Variants in CLEC16A observed in about 807,000 individuals in gnomAD.
The protein encoded by CLEC16A is C-type lectin domain containing 16A.
In CLEC16A, 51 loss-of-function variants were observed where a neutral mutation model predicts 109.5. The observed-to-expected ratio is 0.47, with a 90% confidence interval of 0.37 to 0.59. The LOEUF is 0.59. CLEC16A is among the 20% of genes least tolerant of loss of function. The pLI is 0.00. For synonymous variants in CLEC16A, 673 were observed against 564.2 expected (o/e 1.19, Z -2.73); for missense variants, 1,339 against 1,394.0 (o/e 0.96, Z 0.63).
At chr16:11,101,878 T>G (rs2050937551) in intron 19 of CLEC16A, among the ~76,000 whole-genome samples, 1 of 151,944 alleles carries the variant, frequency 6.6e-6, no homozygotes, top group Non-Finnish European at 1.5e-5. Flanking sequence ...TTATGGTCAC[T>G]GTAGCTTTGA....
intron 19 of CLEC16A, among the ~76,000 whole-genome samples, chr16:11,071,744 A>G (rs1361078284): frequency 3.0e-5 from 4 of 133,638 alleles, no homozygotes; most frequent in Non-Finnish European, 6.2e-5. Context: ...GCACCACCAC[A>G]CCTGGCTGAT....
intron 10 of CLEC16A, among the ~76,000 whole-genome samples, chr16:10,996,023 C>T (rs1008893591): frequency 1.3e-5 from 2 of 152,124 alleles, no homozygotes; most frequent in African/African-American, 4.8e-5. Context: ...CTCTGGCCAC[C>T]GGTCTCTCTT....
chr16:11,026,969 C>T, intron 13 of CLEC16A: 3 of 1,491,854 alleles, frequency 2.0e-6, no homozygotes, highest in South Asian at 1.1e-5. Flanking sequence ...AGCGCGCGTG[C>T]TGTCTTTCCC....
At chr16:11,094,079 T>C (rs2050465355) in intron 19 of CLEC16A, among the ~76,000 whole-genome samples, 1 of 152,196 alleles carries the variant, frequency 6.6e-6, no homozygotes, top group Non-Finnish European at 1.5e-5. Flanking sequence ...CTTTTGTAAC[T>C]GTGGCATTAG....
At chr16:11,014,140 G>A (rs1428058927) in intron 11 of CLEC16A, among the ~76,000 whole-genome samples, 1 of 152,182 alleles carries the variant, frequency 6.6e-6, no homozygotes, top group East Asian at 1.9e-4. Context: ...TACTGAAGAA[G>A]TCTCCTTCCT....
intron 20 of CLEC16A, 64 bp from the exon 21 acceptor site, chr16:11,123,678 C>T (rs1414758584): frequency 2.6e-6 from 4 of 1,512,864 alleles, no homozygotes; most frequent in East Asian, 4.5e-5. Flanking sequence ...CATGATGCCA[C>T]AGCTCCTAGC....
chr16:10,972,903 G>T, intron 6 of CLEC16A, 35 bp from the exon 7 acceptor site: 4 of 1,547,202 alleles, frequency 2.6e-6, no homozygotes, highest in East Asian at 2.3e-5. Flanking sequence ...ATTTTTGGTA[G>T]CTTGACTTTT....
intron 2 of CLEC16A, among the ~76,000 whole-genome samples, chr16:10,962,080 G>A (rs75517539): frequency 0.014 from 2,084 of 150,654 alleles, 33 homozygotes; most frequent in African/African-American, 0.047. Flanking sequence ...AGCCTCCTGA[G>A]TAGCTGGCAC....
At chr16:11,064,130 A>G (rs1288222110) in intron 19 of CLEC16A, among the ~76,000 whole-genome samples, 1 of 152,168 alleles carries the variant, frequency 6.6e-6, no homozygotes, top group Non-Finnish European at 1.5e-5. Context: ...CTGCCCTTTC[A>G]TCTGTCTATT....
At chr16:10,994,239 T>C (rs555185484) in intron 10 of CLEC16A, among the ~76,000 whole-genome samples, 4 of 152,358 alleles carry the variant, frequency 2.6e-5, no homozygotes, top group African/African-American at 7.2e-5. Context: ...TTTTCTCCTT[T>C]ACATTTCGGC....
intron 22 of CLEC16A, among the ~76,000 whole-genome samples, chr16:11,129,710 G>C (rs989329642): frequency 6.6e-6 from 1 of 151,248 alleles, no homozygotes; most frequent in Non-Finnish European, 1.5e-5. Context: ...GGCCTTTTCA[G>C]ATCAGCTCCT....
rs371601018 is a variant in CLEC16A, at chr16:11,044,141, T to C, written c.1815+69T>C. 5.9e-5 allele frequency: 80 copies of C among 1,361,942 alleles called. No individual in the cohort carries two copies. The African/African-American group carries it at 1.2e-3, about 20-fold the overall frequency. The allele number at this position is 1,361,942 out of a possible 1,614,324, so 84.4% of individuals were successfully genotyped here. A position where few individuals can be genotyped will look rare whatever the true frequency, so the allele number is the denominator to read the frequency against. Reference sequence around the variant, plus strand: ...TAGAAACAGAAGTGTGGTGTCTGGTTCTATGCAGATAAACGTTATATGTCT... The same window carrying C: ...TAGAAACAGAAGTGTGGTGTCTGGTCCTATGCAGATAAACGTTATATGTCT... On this transcript the variant is annotated intron_variant, in intron 16 of 23. Coordinates refer to ENST00000409790, the MANE Select transcript of CLEC16A (RefSeq NM_015226.3).
chr16:10,956,661 G>A (rs893000187), intron 1 of CLEC16A, among the ~76,000 whole-genome samples: 4 of 152,174 alleles, frequency 2.6e-5, no homozygotes, highest in Non-Finnish European at 4.4e-5. Flanking sequence ...GACTGGCCTC[G>A]GTGATTCTTT....
intron 18 of CLEC16A, among the ~76,000 whole-genome samples, chr16:11,055,846 C>T (rs2048186127): frequency 6.6e-6 from 1 of 152,046 alleles, no homozygotes; most frequent in Non-Finnish European, 1.5e-5. Flanking sequence ...GCCTCGGCCT[C>T]CCATGGTGCT....
At chr16:11,158,923 G>GA (rs969699668) in intron 22 of CLEC16A, among the ~76,000 whole-genome samples, 16 of 139,472 alleles carry the variant, frequency 1.1e-4, no homozygotes, top group Admixed American at 2.2e-4. Flanking sequence ...CCAGCTCAGG[G>GA]AAAAAAAAAA....
At chr16:11,067,163 T>C (rs890984211) in intron 19 of CLEC16A, among the ~76,000 whole-genome samples, 1 of 148,494 alleles carries the variant, frequency 6.7e-6, no homozygotes, top group Admixed American at 6.8e-5. Flanking sequence ...GGGGTTTTTT[T>C]TTTGGTTTTT....
At chr16:11,103,731 A>G (rs1033833658) in intron 19 of CLEC16A, among the ~76,000 whole-genome samples, 3 of 151,548 alleles carry the variant, frequency 2.0e-5, no homozygotes, top group Non-Finnish European at 4.4e-5. Context: ...TTGGGCTCCC[A>G]TGCTAGACAG....
At chr16:11,138,215 A>G (rs1458144790) in intron 22 of CLEC16A, among the ~76,000 whole-genome samples, 1 of 152,216 alleles carries the variant, frequency 6.6e-6, no homozygotes, top group African/African-American at 2.4e-5. Context: ...AACACTGCAC[A>G]GGGCTTACAG....
At chr16:11,098,018 G>A (rs969091582) in intron 19 of CLEC16A, among the ~76,000 whole-genome samples, 2 of 152,202 alleles carry the variant, frequency 1.3e-5, no homozygotes, top group East Asian at 3.8e-4. Flanking sequence ...AGAATCACTT[G>A]GAGAGCTTTA....
Sources: gnomAD v4.1 joint callset for allele counts (sites outside exome capture counted in the v4.1 genomes callset) on GRCh38, gnomAD v4.1.1 for gene constraint, MANE v1.5 for transcripts, NCBI Gene and HGNC (gene_info 2026-07-23, HGNC 2026-07-21) for gene names.